The following POLR3B variants were observed in gnomAD, a reference collection of about 807,000 sequenced individuals.
POLR3B encodes DNA-directed RNA polymerase III subunit RPC2.
Under a neutral mutation model 147.4 loss-of-function variants are expected in POLR3B, and 96 were observed. The ratio of observed to expected loss-of-function variants is 0.65; its 90% CI spans 0.55 to 0.77. The LOEUF is 0.77. Ranked by LOEUF, POLR3B falls within the 30% of genes least tolerant of loss-of-function variation. The pLI, the probability that POLR3B is intolerant of heterozygous loss-of-function variation, is 0.00. For synonymous variants in POLR3B, 461 were observed against 485.9 expected, an observed-to-expected ratio of 0.95 and a Z score of 0.67; for missense variants, 1,036 against 1,413.5, an observed-to-expected ratio of 0.73 and a Z score of 4.28.
At chr12:106,364,266 A>T (rs544158106) in intron 2 of POLR3B, among the ~76,000 whole-genome samples, 1 of 152,248 alleles carries the variant, frequency 6.6e-6, no homozygotes. Flanking sequence ...GCGTGGCTCA[A>T]TCAAGGTGTT....
chr12:106,496,695 CAG>C lies in POLR3B; in HGVS notation c.2818-50_2818-49del, dbSNP rs1224847642. The stretch of plus-strand genomic sequence containing the variant: ...GGGAAATGAGCTGGAGATAAATAAG[CAG>C]AGAGAGTGCTTGTGCCACAGGGAGG... On this transcript the variant is annotated intron_variant, in intron 24 of 27. Coordinates refer to ENST00000228347, the MANE Select transcript of POLR3B (RefSeq NM_018082.6). The C allele has an allele frequency of 3.3e-5, 48 of 1,444,634 alleles. No individual in the cohort carries two copies. The East Asian group carries it at 6.1e-4, about 18-fold the overall frequency. 89.5% of individuals were successfully genotyped at this position (1,444,634 alleles called of 1,614,324 possible). A position where few individuals can be genotyped will look rare whatever the true frequency, so the allele number is the denominator to read the frequency against.
At position 106,433,797 on chromosome 12, in the gene POLR3B, A is replaced by T; in HGVS notation, c.1706A>T (p.Asn569Ile). 1 of 1,613,308 alleles carries T rather than the reference A, an allele frequency of 6.2e-7. No homozygotes were observed. ...CTCATGAGAAGAGCAGGATATATCA[A>T]TGAATTTGTTTCCATCTCAACAAAT... ...FRLMRRAGYI[N>I]EFVSISTNLT... The change falls in exon 16 of 28, where the codon AAT (asparagine) becomes ATT (isoleucine). Residue 569 changes from asparagine to isoleucine, a missense_variant. Around this residue, in one of 12 missense-constraint regions of POLR3B, gnomAD observed 177 missense variants for 232.7 expected, o/e 0.76. Transcript: ENST00000228347.
At chr12:106,462,773 C>T (rs1713513657) in intron 22 of POLR3B, among the ~76,000 whole-genome samples, 1 of 152,144 alleles carries the variant, frequency 6.6e-6, no homozygotes, top group Non-Finnish European at 1.5e-5. Context: ...CTCAGGTTGC[C>T]ACTCTGTCAG....
intron 4 of POLR3B, among the ~76,000 whole-genome samples, chr12:106,366,983 A>G (rs1386056402): frequency 6.6e-6 from 1 of 152,142 alleles, no homozygotes; most frequent in African/African-American, 2.4e-5. Context: ...CACATCTGTA[A>G]TTCCAGATAC....
In POLR3B at chr12:106,504,259, G is replaced by A. The variant is rs375959563; in HGVS notation, c.3272+5G>A. Reference sequence around the variant, plus strand: ...ACTTCTGGGGTATTCTGGCTGGTAAGTGGATACCATATGTCTCCCATACCA... The same window carrying A: ...ACTTCTGGGGTATTCTGGCTGGTAAATGGATACCATATGTCTCCCATACCA... On this transcript the variant is annotated splice_donor_5th_base_variant and intron_variant, in intron 27 of 27. Transcript: ENST00000228347. This position sits in a 1 kb window ranked among gnomAD's most constrained non-coding sequence, Gnocchi z 4.6. 6.8e-6 allele frequency: 11 copies of A among 1,611,212 alleles called. No homozygotes were observed. Among genetic ancestry groups the A allele is most frequent in the East Asian group, 2.2e-5 (1 of 44,864 alleles).
intron 9 of POLR3B, among the ~76,000 whole-genome samples, chr12:106,386,772 T>A (rs1208876798): frequency 6.6e-6 from 1 of 152,032 alleles, no homozygotes; most frequent in Non-Finnish European, 1.5e-5. Flanking sequence ...CTGGGCATGG[T>A]GGCAGGTGCC....
intron 9 of POLR3B, among the ~76,000 whole-genome samples, chr12:106,384,354 G>A (rs1336452535): frequency 6.6e-6 from 1 of 152,206 alleles, no homozygotes; most frequent in African/African-American, 2.4e-5. Flanking sequence ...GGCATTATGT[G>A]ATACAGTTAG....
At chr12:106,379,138 C>T (rs2036724177) in intron 8 of POLR3B, among the ~76,000 whole-genome samples, 5 of 152,182 alleles carry the variant, frequency 3.3e-5, no homozygotes, top group Admixed American at 2.0e-4. Context: ...TCACCTCAGT[C>T]CTCCAAGATA....
chr12:106,469,784 C>T (rs544128980), intron 23 of POLR3B, among the ~76,000 whole-genome samples: 2 of 152,348 alleles, frequency 1.3e-5, no homozygotes, highest in South Asian at 4.1e-4. Context: ...GGCGCCTACT[C>T]TCTTCTGGCT....
chr12:106,416,259 TA>T (rs2037300773), intron 12 of POLR3B, among the ~76,000 whole-genome samples: 1 of 152,246 alleles, frequency 6.6e-6, no homozygotes, highest in South Asian at 2.1e-4. Flanking sequence ...AATTGACATA[TA>T]CCTGTTTGTG....
At chr12:106,480,336 A>G (rs1284519632) in intron 23 of POLR3B, among the ~76,000 whole-genome samples, 2 of 152,182 alleles carry the variant, frequency 1.3e-5, no homozygotes, top group Non-Finnish European at 2.9e-5. Flanking sequence ...AGTGAATATC[A>G]TTGCTGGGTG....
intron 1 of POLR3B, among the ~76,000 whole-genome samples, chr12:106,360,210 T>C (rs2036450642): frequency 6.6e-6 from 1 of 152,256 alleles, no homozygotes; most frequent in African/African-American, 2.4e-5. Flanking sequence ...GCTGTCCGTT[T>C]AAACACACAA....
intron 7 of POLR3B, among the ~76,000 whole-genome samples, chr12:106,377,491 CA>C (rs1047605909): frequency 6.6e-6 from 1 of 151,248 alleles, no homozygotes; most frequent in Non-Finnish European, 1.5e-5. Context: ...GAATTGTGTG[CA>C]AAAAAAATAC....
intron 23 of POLR3B, among the ~76,000 whole-genome samples, chr12:106,467,920 T>C (rs1276217251): frequency 2.0e-5 from 3 of 152,206 alleles, no homozygotes; most frequent in Admixed American, 2.0e-4. Flanking sequence ...TTCTCTTTTT[T>C]TATTGTATCT....
At chr12:106,465,429 A>G (rs2037991036) in intron 23 of POLR3B, among the ~76,000 whole-genome samples, 1 of 152,128 alleles carries the variant, frequency 6.6e-6, no homozygotes, top group Non-Finnish European at 1.5e-5. Flanking sequence ...AGACTTGCAG[A>G]TATTTCAGTG....
chr12:106,380,228 T>G (rs2036741327), intron 9 of POLR3B, 89 bp downstream of exon 9: 1 of 763,400 alleles, frequency 1.3e-6, no homozygotes, highest in African/African-American at 1.7e-5. Flanking sequence ...GGTAAGGAAT[T>G]CTTGGAATAG....
Position 106,366,584 on chromosome 12 carries a change from A to G in POLR3B, c.162+12A>G. 1 of 1,602,730 alleles carries G rather than the reference A, an allele frequency of 6.2e-7. No homozygotes were observed. Among genetic ancestry groups the G allele is most frequent in the Non-Finnish European group, 8.5e-7 (1 of 1,169,612 alleles). Reference sequence around the variant, plus strand: ...TCATTAATGTAGAGGTAAGCATCAGATGTTAGAAATAGACATAAACTAAGG... The same window carrying G: ...TCATTAATGTAGAGGTAAGCATCAGGTGTTAGAAATAGACATAAACTAAGG... On this transcript the variant is annotated intron_variant, in intron 3 of 27. Coordinates refer to ENST00000228347, the MANE Select transcript of POLR3B (RefSeq NM_018082.6).
intron 10 of POLR3B, among the ~76,000 whole-genome samples, chr12:106,405,538 C>CTACACA (rs1393218733): frequency 3.9e-5 from 2 of 51,838 alleles, no homozygotes; most frequent in African/African-American, 6.4e-5. Context: ...TGCTATATGT[C>CTACACA]TACACACACA....
At chr12:106,434,934 C>G (rs1262846386) in intron 16 of POLR3B, among the ~76,000 whole-genome samples, 1 of 152,138 alleles carries the variant, frequency 6.6e-6, no homozygotes, top group Non-Finnish European at 1.5e-5. Flanking sequence ...GTCAGACCCC[C>G]TCATCAGAGA....
Sources: allele counts gnomAD v4.1 joint callset (sites outside exome capture counted in the v4.1 genomes callset), GRCh38; gene constraint gnomAD v4.1.1; regional missense constraint gnomAD v4.1.1; non-coding constraint Gnocchi (gnomAD v3.1); transcripts MANE v1.5; gene names NCBI Gene and HGNC (gene_info 2026-07-23, HGNC 2026-07-21).